Variants in SOCS5 observed in about 807,000 individuals in gnomAD.
The protein encoded by SOCS5 is CIS-6.
In SOCS5, 32 loss-of-function variants were observed where a neutral mutation model predicts 42.8. The observed-to-expected ratio is 0.75, with a 90% confidence interval of 0.56 to 1.01. The LOEUF (loss-of-function observed/expected upper bound fraction) is 1.01, where lower values mean the gene tolerates loss of function less well. Among genes scored for constraint, SOCS5 ranks in the 50% least tolerant of loss-of-function variants. The pLI, the probability that SOCS5 is intolerant of heterozygous loss-of-function variation, is 0.00. For missense variants in SOCS5, 627 were observed against 653.0 expected, an observed-to-expected ratio of 0.96 and a Z score of 0.43; for synonymous variants, 283 against 229.6, an observed-to-expected ratio of 1.23 and a Z score of -2.10.
rs1474520935 is a variant in SOCS5 at position 46,761,955 on chromosome 2, A to G, written c.*1814A>G. The G allele has an allele frequency of 6.0e-6, 1 of 167,034 alleles. No homozygotes were observed. The highest frequency in any genetic ancestry group is 1.5e-5 in the Non-Finnish European group (1 of 68,072). 10.3% of individuals were successfully genotyped at this position (167,034 alleles called of 1,614,324 possible). On this transcript the variant is annotated 3_prime_UTR_variant, in exon 2 of 2. Transcript: ENST00000394861. ...CATATTATAGTAAATGAGTATCTGT[A>G]ACCTCCCACTGCATCAGAAGCAGGT...
At chr2:46,715,830 T>A (rs72802429) in intron 1 of SOCS5, among the ~76,000 whole-genome samples, 7,160 of 152,286 alleles carry the variant, frequency 0.047, 251 homozygotes, top group Non-Finnish European at 0.078. Context: ...TGTATTGTAT[T>A]CATCACATTT....
chr2:46,750,716 A>G (rs145708565), intron 1 of SOCS5, among the ~76,000 whole-genome samples: 171 of 152,296 alleles, frequency 1.1e-3, no homozygotes, highest in African/African-American at 3.8e-3. Context: ...ATAGGCATTT[A>G]AAGTACAGAT....
At chr2:46,738,325 C>T (rs1199489098) in intron 1 of SOCS5, among the ~76,000 whole-genome samples, 1 of 151,878 alleles carries the variant, frequency 6.6e-6, no homozygotes, top group East Asian at 1.9e-4. Context: ...AAGTTACTGG[C>T]AGTGAAAGTA....
chr2:46,762,726 T>A lies in SOCS5; in HGVS notation c.*2585T>A, dbSNP rs546780000. 1 of 166,400 alleles carries A rather than the reference T, an allele frequency of 6.0e-6. No individual in the cohort carries two copies. The highest frequency in any genetic ancestry group is 6.5e-5 in the Admixed American group (1 of 15,300). 10.3% of individuals were successfully genotyped at this position (166,400 alleles called of 1,614,324 possible). On this transcript the variant is annotated 3_prime_UTR_variant, in exon 2 of 2. Coordinates refer to ENST00000394861, the MANE Select transcript of SOCS5 (RefSeq NM_144949.3). ...CCCATTGTAGCCTGTCAACTAAATT[T>A]GAGTGTTAACGGTCTTTTTAAAGTG...
intron 1 of SOCS5, among the ~76,000 whole-genome samples, chr2:46,752,001 G>C (rs1673632581): frequency 6.6e-6 from 1 of 152,134 alleles, no homozygotes; most frequent in Admixed American, 6.5e-5. Context: ...TTATTTACTT[G>C]CATGTTGCCT....
intron 1 of SOCS5, among the ~76,000 whole-genome samples, chr2:46,711,465 A>G (rs1376096383): frequency 1.3e-5 from 2 of 152,158 alleles, no homozygotes; most frequent in African/African-American, 4.8e-5. Flanking sequence ...CCAGTTACCA[A>G]TTTTATGTCA....
At chr2:46,709,191 A>G (rs1558399446) in intron 1 of SOCS5, among the ~76,000 whole-genome samples, 1 of 152,124 alleles carries the variant, frequency 6.6e-6, no homozygotes, top group Non-Finnish European at 1.5e-5. Flanking sequence ...TCTATTCCAG[A>G]GCATCCCTAA....
intron 1 of SOCS5, among the ~76,000 whole-genome samples, chr2:46,740,552 G>T (rs964742957): frequency 6.6e-6 from 1 of 152,196 alleles, no homozygotes; most frequent in Admixed American, 6.5e-5. Context: ...GGAGGGGCCT[G>T]TGATAGATCA....
At position 46,762,954 on chromosome 2, in the gene SOCS5, G is replaced by A. The variant is rs939148241; in HGVS notation, c.*2813G>A. ...TATGTATGCACATATATACATTTAT[G>A]TTGTTAATATTACTTTAGATGGCAT... On this transcript the variant is annotated 3_prime_UTR_variant, in exon 2 of 2. Transcript: ENST00000394861. 4 of 166,896 alleles carry A rather than the reference G, an allele frequency of 2.4e-5. No homozygotes were observed. Among genetic ancestry groups the A allele is most frequent in the African/African-American group, 4.8e-5 (2 of 41,392 alleles). 10.3% of individuals were successfully genotyped at this position (166,896 alleles called of 1,614,324 possible). A position where few individuals can be genotyped will look rare whatever the true frequency, so the allele number is the denominator to read the frequency against.
chr2:46,700,565 T>A (rs928117375), intron 1 of SOCS5, among the ~76,000 whole-genome samples: 24 of 152,256 alleles, frequency 1.6e-4, no homozygotes, highest in Admixed American at 5.2e-4. Flanking sequence ...AACTACGGAT[T>A]CTATATAAGT....
At chr2:46,700,629 C>G (rs140759935) in intron 1 of SOCS5, among the ~76,000 whole-genome samples, 1 of 152,286 alleles carries the variant, frequency 6.6e-6, no homozygotes, top group African/African-American at 2.4e-5. Flanking sequence ...GCTAGCAGCT[C>G]TATTAAGCAA....
chr2:46,708,272 A>G (rs931243115), intron 1 of SOCS5, among the ~76,000 whole-genome samples: 3 of 152,180 alleles, frequency 2.0e-5, no homozygotes, highest in African/African-American at 7.2e-5. Flanking sequence ...AGATTTTGTT[A>G]ATGTTAGAAG....
intron 1 of SOCS5, among the ~76,000 whole-genome samples, chr2:46,750,951 C>T (rs6718677): frequency 0.69 from 104,167 of 151,988 alleles, 37,051 homozygotes; most frequent in African/African-American, 0.87. Context: ...TATGATGTAT[C>T]CTCTGAAGTT....
At chr2:46,713,971 T>C (rs926151893) in intron 1 of SOCS5, among the ~76,000 whole-genome samples, 8 of 152,236 alleles carry the variant, frequency 5.3e-5, no homozygotes, top group African/African-American at 1.9e-4. Context: ...ATCCTTTTGT[T>C]ACTGTGTTTT....
chr2:46,712,672 C>T (rs1672653214), intron 1 of SOCS5, among the ~76,000 whole-genome samples: 1 of 152,166 alleles, frequency 6.6e-6, no homozygotes, highest in Admixed American at 6.5e-5. Context: ...TGAGTCTGCA[C>T]TATTGAGACG....
At chr2:46,725,245 T>C (rs1197828289) in intron 1 of SOCS5, among the ~76,000 whole-genome samples, 1 of 152,112 alleles carries the variant, frequency 6.6e-6, no homozygotes, top group African/African-American at 2.4e-5. Context: ...CTAACCTACT[T>C]ATCTCATCAT....
chr2:46,752,226 GGCA>G (rs1285551061), intron 1 of SOCS5, among the ~76,000 whole-genome samples: 1 of 151,450 alleles, frequency 6.6e-6, no homozygotes, highest in Non-Finnish European at 1.5e-5. Context: ...TCTAGTCAGC[GGCA>G]GCATTAGATG....
chr2:46,738,144 G>T (rs891676570), intron 1 of SOCS5, among the ~76,000 whole-genome samples: 4 of 152,142 alleles, frequency 2.6e-5, no homozygotes, highest in African/African-American at 9.7e-5. Context: ...AAATTAGTTT[G>T]GATAAAGCAG....
intron 1 of SOCS5, among the ~76,000 whole-genome samples, chr2:46,750,034 TA>T (rs986686401): frequency 9.2e-5 from 14 of 152,200 alleles, no homozygotes; most frequent in African/African-American, 3.4e-4. Flanking sequence ...ATCCAACCCA[TA>T]AGGTAGATAT....
Sources: allele counts gnomAD v4.1 joint callset (sites outside exome capture counted in the v4.1 genomes callset), GRCh38; gene constraint gnomAD v4.1.1; transcripts MANE v1.5; gene names NCBI Gene and HGNC (gene_info 2026-07-23, HGNC 2026-07-21).